BACH2: variants seen among roughly 807,000 people sequenced by gnomAD.
The protein encoded by BACH2 is transcription regulator protein BACH2.
Under a neutral mutation model 61.8 loss-of-function variants are expected in BACH2, and 5 were observed. The ratio of observed to expected loss-of-function variants is 0.08; its 90% CI spans 0.04 to 0.17. BACH2 has a LOEUF of 0.17. BACH2 is among the 10% of genes least tolerant of loss of function. The probability of loss-of-function intolerance (pLI) is 1.00; values close to 1 mark genes in which losing one functional copy is unlikely to be tolerated. For synonymous variants in BACH2, 446 were observed against 440.1 expected, an observed-to-expected ratio of 1.01 and a Z score of -0.17; for missense variants, 824 against 1,091.1, an observed-to-expected ratio of 0.76 and a Z score of 3.45.
intron 4 of BACH2, among the ~76,000 whole-genome samples, chr6:90,097,228 G>A (rs1182415702): frequency 3.3e-5 from 5 of 152,138 alleles, no homozygotes; most frequent in South Asian, 2.1e-4. Context: ...TGGGAAGCCC[G>A]TGGACTACAT....
chr6:90,102,007 T>C (rs1468138052), intron 4 of BACH2, among the ~76,000 whole-genome samples: 1 of 152,256 alleles, frequency 6.6e-6, no homozygotes, highest in African/African-American at 2.4e-5. Flanking sequence ...GCAAAACTGA[T>C]GATCTTATTA....
At chr6:89,937,377 G>A (rs1773087896) in intron 8 of BACH2, among the ~76,000 whole-genome samples, 2 of 152,178 alleles carry the variant, frequency 1.3e-5, no homozygotes, top group Non-Finnish European at 2.9e-5. Flanking sequence ...CAAGTACTGG[G>A]AAGTTTTCCA....
chr6:89,938,012 ACTT>A lies in BACH2; in HGVS notation c.2043+129_2043+131del, dbSNP rs575786482. 6.2e-6 allele frequency: 5 copies of A among 809,850 alleles called. No homozygotes were observed. The East Asian group carries it at 7.4e-5, about 12-fold the overall frequency. 50.2% of individuals were successfully genotyped at this position (809,850 alleles called of 1,614,324 possible). A position where few individuals can be genotyped will look rare whatever the true frequency, so the allele number is the denominator to read the frequency against. On this transcript the variant is annotated intron_variant, in intron 8 of 8. Transcript: ENST00000257749. ...GTAAAGCTATTATTTCTGTTGAGAAACTTCTTAAAAAATAAACCCAAACTTCCG... is the reference window on the plus strand; with the variant it reads ...GTAAAGCTATTATTTCTGTTGAGAAACTTAAAAAATAAACCCAAACTTCCG...
At chr6:90,021,200 A>C (rs1007800637) in intron 5 of BACH2, among the ~76,000 whole-genome samples, 2 of 152,124 alleles carry the variant, frequency 1.3e-5, no homozygotes, top group South Asian at 2.1e-4. Flanking sequence ...ATACAGACTT[A>C]CTCATTAACT....
At chr6:89,936,371 G>A (rs1231640458) in intron 8 of BACH2, among the ~76,000 whole-genome samples, 1 of 152,120 alleles carries the variant, frequency 6.6e-6, no homozygotes, top group African/African-American at 2.4e-5. Context: ...CAAACTTGTG[G>A]CCTCAAGTGA....
intron 4 of BACH2, among the ~76,000 whole-genome samples, chr6:90,168,721 A>AC (rs1375192253): frequency 6.6e-6 from 1 of 152,224 alleles, no homozygotes; most frequent in Non-Finnish European, 1.5e-5. Context: ...CTGAAAAAAA[A>AC]ACACACATAA....
chr6:89,969,926 A>T (rs1014422782), intron 6 of BACH2, among the ~76,000 whole-genome samples: 2 of 152,194 alleles, frequency 1.3e-5, no homozygotes, highest in South Asian at 2.1e-4. Context: ...TAACCTGCTA[A>T]GTTAGAGTAA....
chr6:90,054,346 C>G (rs149440563), intron 5 of BACH2, among the ~76,000 whole-genome samples: 131 of 152,214 alleles, frequency 8.6e-4, no homozygotes, highest in Non-Finnish European at 1.6e-3. Context: ...GAGGGTCCTA[C>G]GCCCATGGAG....
At chr6:90,296,043 A>G (rs1397974697) in intron 1 of BACH2, among the ~76,000 whole-genome samples, 3 of 151,818 alleles carry the variant, frequency 2.0e-5, no homozygotes, top group East Asian at 2.0e-4. Context: ...GGGCCGGGAC[A>G]CCCGGGCCTC....
At chr6:89,980,451 C>T (rs1487082535) in intron 6 of BACH2, among the ~76,000 whole-genome samples, 2 of 152,124 alleles carry the variant, frequency 1.3e-5, no homozygotes, top group East Asian at 1.9e-4. Flanking sequence ...AGTAAGTGCC[C>T]TAGGTTAATC....
intron 2 of BACH2, among the ~76,000 whole-genome samples, chr6:90,264,661 A>G (rs1311166660): frequency 6.6e-6 from 1 of 152,206 alleles, no homozygotes; most frequent in Non-Finnish European, 1.5e-5. Flanking sequence ...TGTTGACTCA[A>G]TTTGCACATC....
chr6:90,189,772 T>C (rs1291853398), intron 4 of BACH2, among the ~76,000 whole-genome samples: 1 of 152,056 alleles, frequency 6.6e-6, no homozygotes, highest in African/African-American at 2.4e-5. Context: ...TGCTGAGCAA[T>C]AGGGATCTTG....
At chr6:89,961,094 T>C (rs1774718685) in intron 6 of BACH2, among the ~76,000 whole-genome samples, 5 of 152,198 alleles carry the variant, frequency 3.3e-5, no homozygotes. Context: ...CATTCAGGTA[T>C]AGATGGTTAT....
intron 4 of BACH2, among the ~76,000 whole-genome samples, chr6:90,183,176 G>A (rs548603277): frequency 3.3e-5 from 5 of 152,190 alleles, no homozygotes; most frequent in Non-Finnish European, 5.9e-5. Context: ...CTCAGTGTGA[G>A]ATTATCTACT....
chr6:90,104,191 C>G (rs1782798291), intron 4 of BACH2, among the ~76,000 whole-genome samples: 1 of 152,148 alleles, frequency 6.6e-6, no homozygotes, highest in African/African-American at 2.4e-5. Flanking sequence ...ATGTATCCCC[C>G]AAAAGAGCAG....
In BACH2 at chr6:90,178,058, C is replaced by G. The variant is rs577705928; in HGVS notation, c.-162+28511G>C. Among the ~76,000 whole-genome samples the G allele has an allele frequency of 2.6e-5, 4 of 152,248 alleles. No individual in the cohort carries two copies. In the South Asian group the frequency reaches 8.3e-4, roughly 32 times the overall value. ...AGCAGGGAACCAGGATGAAGTCAGC[C>G]AGAAACACGCTTTCTATAACTGCTC... is the stretch of plus-strand genomic sequence containing the variant. On this transcript the variant is annotated intron_variant, in intron 4 of 8. Transcript: ENST00000257749.
intron 4 of BACH2, among the ~76,000 whole-genome samples, chr6:90,203,028 T>C (rs1157727179): frequency 6.6e-6 from 1 of 152,214 alleles, no homozygotes; most frequent in Non-Finnish European, 1.5e-5. Context: ...TTTTTCTTAC[T>C]GGCAAATATA....
intron 5 of BACH2, among the ~76,000 whole-genome samples, chr6:90,023,143 T>C (rs1778463144): frequency 6.6e-6 from 1 of 152,206 alleles, no homozygotes; most frequent in South Asian, 2.1e-4. Context: ...GTTTCATGTA[T>C]GTCAAATTCA....
chr6:90,166,399 G>A (rs1253648103), intron 4 of BACH2, among the ~76,000 whole-genome samples: 2 of 152,144 alleles, frequency 1.3e-5, no homozygotes, highest in African/African-American at 4.8e-5. Context: ...AAAAAGTCAG[G>A]AAACAACAGG....
Sources: gnomAD v4.1 joint callset for allele counts (sites outside exome capture counted in the v4.1 genomes callset) on GRCh38, gnomAD v4.1.1 for gene constraint, MANE v1.5 for transcripts, NCBI Gene and HGNC (gene_info 2026-07-23, HGNC 2026-07-21) for gene names.